The following PCSK7 variants were observed in gnomAD, a reference collection of about 807,000 sequenced individuals.
The protein encoded by PCSK7 is lymphoma proprotein convertase.
Under a neutral mutation model 73.3 loss-of-function variants are expected in PCSK7, and 38 were observed. The ratio of observed to expected loss-of-function variants is 0.52; its 90% CI spans 0.40 to 0.68. The LOEUF is 0.68. Among genes scored for constraint, PCSK7 ranks in the 30% least tolerant of loss-of-function variants. PCSK7 has a pLI of 0.00. For missense variants in PCSK7, 692 were observed against 991.5 expected (o/e 0.70, Z 4.06); for synonymous variants, 296 against 383.8 (o/e 0.77, Z 2.68).
chr11:117,219,290 A>G, intron 10 of PCSK7, 126 bp from the exon 11 acceptor site: 1 of 723,128 alleles, frequency 1.4e-6, no homozygotes. Context: ...GCTACTGGGA[A>G]TGGATTCCCC....
At chr11:117,225,028 T>G in intron 6 of PCSK7, 2 of 368,182 alleles carry the variant, frequency 5.4e-6, no homozygotes, top group East Asian at 4.3e-5. Context: ...ACTCATCTCC[T>G]GATCTAGGGA....
chr11:117,213,950 C>CTTTTTTTTTTTTTTTT (rs1450481233), intron 12 of PCSK7: 1 of 120,768 alleles, frequency 8.3e-6, no homozygotes, highest in African/African-American at 3.3e-5. Context: ...CTTTTCTTTT[C>CTTTTTTTTTTTTTTTT]TTTTTCTTTT....
chr11:117,216,259 T>C (rs2031978878), intron 12 of PCSK7: 1 of 152,184 alleles, frequency 6.6e-6, no homozygotes, highest in Admixed American at 6.5e-5. Context: ...TCTAGAGTCT[T>C]AGAGGTATTT....
chr11:117,209,663 T>A (rs659955), intron 12 of PCSK7: 21,339 of 153,558 alleles, frequency 0.14, 2,081 homozygotes, highest in East Asian at 0.49. Flanking sequence ...AAGCAAATTA[T>A]GTGAGTGAAA....
chr11:117,223,047 T>C, intron 9 of PCSK7, 161 bp downstream of exon 9: 1 of 618,866 alleles, frequency 1.6e-6, no homozygotes, highest in Non-Finnish European at 2.9e-6. Context: ...CCGAGTCTAC[T>C]ACTCCAAGGG....
At chr11:117,219,835 C>T (rs2032123993) in intron 9 of PCSK7, 77 bp from the exon 10 acceptor site, 1 of 1,163,938 alleles carries the variant, frequency 8.6e-7, no homozygotes, top group Non-Finnish European at 1.2e-6. Context: ...CCTATAGTCC[C>T]GGCTACCTGG....
At chr11:117,228,422 A>G (rs2032513660) in intron 3 of PCSK7, 72 bp from the exon 4 acceptor site, 1 of 1,438,482 alleles carries the variant, frequency 7.0e-7, no homozygotes, top group African/African-American at 1.4e-5. Flanking sequence ...TATAGCTAGC[A>G]GCCCCTTTTC....
chr11:117,205,657 A>C lies in PCSK7; in HGVS notation c.*340T>G, dbSNP rs1314119922. ...CCTGGCTATGGCAGGCACCTTCTCA[A>C]CTTATATGTGGGAAGGGGTCCCCCA... is the stretch of plus-strand genomic sequence containing the variant. On this transcript the variant is annotated 3_prime_UTR_variant, in exon 17 of 17. Coordinates refer to ENST00000320934, the MANE Select transcript of PCSK7 (RefSeq NM_004716.4). 1 of 270,104 alleles carries C rather than the reference A, an allele frequency of 3.7e-6. No individual in the cohort carries two copies. Among genetic ancestry groups the C allele is most frequent in the Admixed American group, 5.2e-5 (1 of 19,194 alleles). The allele number at this position is 270,104 out of a possible 1,614,324, so 16.7% of individuals were successfully genotyped here.
rs767112859 is a variant in PCSK7 at position 117,223,325 on chromosome 11, G to A, written c.1055-17C>T. 2.0e-6 allele frequency: 3 copies of A among 1,505,498 alleles called. No individual in the cohort carries two copies. The East Asian group carries it at 6.8e-5, about 34-fold the overall frequency. The allele number at this position is 1,505,498 out of a possible 1,614,324, so 93.3% of individuals were successfully genotyped here. A position where few individuals can be genotyped will look rare whatever the true frequency, so the allele number is the denominator to read the frequency against. ...CCACAGCTCCTAGGGACAGAGGAGG[G>A]AGATTAGAGCTGAGATGCAGAGGGG... On this transcript the variant is annotated splice_polypyrimidine_tract_variant and intron_variant, in intron 8 of 16. Transcript: ENST00000320934.
Position 117,218,981 on chromosome 11 carries a change from C to G in PCSK7, c.1431+76G>C. On this transcript the variant is annotated intron_variant, in intron 11 of 16. Transcript: ENST00000320934. The surrounding 1 kb of genome is among the most constrained non-coding windows in gnomAD (Gnocchi z 4.0). ...CATTTACTAGGCACCTATGATATCC[C>G]AGGCAGTTTGGGGCATTCAGCTCCG... The G allele has an allele frequency of 4.6e-6, 4 of 877,504 alleles. No homozygotes were observed. The highest frequency in any genetic ancestry group is 7.1e-6 in the Non-Finnish European group (4 of 559,470). The allele number at this position is 877,504 out of a possible 1,614,324, so 54.4% of individuals were successfully genotyped here.
chr11:117,226,192 A>G, intron 5 of PCSK7, 171 bp from the exon 6 acceptor site: 1 of 601,444 alleles, frequency 1.7e-6, no homozygotes, highest in Admixed American at 2.8e-5. Flanking sequence ...ACTGGAGTGC[A>G]GTGGCATGAT....
rs2031278058 is a variant in PCSK7 at position 117,204,856 on chromosome 11, G to C, written c.*1141C>G. ...TGTTATGGTTTCAGATCTGCGCAGG[G>C]GACAGGCAGGCATCTCGGGCTTGTA... On this transcript the variant is annotated 3_prime_UTR_variant, in exon 17 of 17. Coordinates refer to ENST00000320934, the MANE Select transcript of PCSK7 (RefSeq NM_004716.4). 2 of 247,986 alleles carry C rather than the reference G, an allele frequency of 8.1e-6. No individual in the cohort carries two copies. The highest frequency in any genetic ancestry group is 1.6e-5 in the Non-Finnish European group (2 of 123,730). The allele number at this position is 247,986 out of a possible 1,614,324, so 15.4% of individuals were successfully genotyped here.
At chr11:117,225,037 G>A (rs1257542003) in intron 6 of PCSK7, 3 of 336,992 alleles carry the variant, frequency 8.9e-6, no homozygotes, top group South Asian at 6.6e-5. Flanking sequence ...CTGATCTAGG[G>A]ATCAGAGACA....
chr11:117,215,041 C>T (rs1591793992), intron 12 of PCSK7: 1 of 152,190 alleles, frequency 6.6e-6, no homozygotes, highest in South Asian at 2.1e-4. Flanking sequence ...AGGCCCCAAT[C>T]CCCTCTCCCT....
Position 117,229,479 on chromosome 11 carries a change from A to G in PCSK7, c.366T>C (p.Ala122=), listed in dbSNP as rs756440752. Reference sequence around the variant, plus strand: ...AGTGCCAGCGCACAGCTTCATGCCCAGCCAACACAGCCTCCACCTGCTGCC... The same window carrying G: ...AGTGCCAGCGCACAGCTTCATGCCCGGCCAACACAGCCTCCACCTGCTGCC... ...AIRQQVEAVL[A]GHEAVRWHSE... is the part of the protein sequence containing the mutation. Residue 122 remains alanine, a synonymous_variant, in exon 3 of 17, where the codon GCT becomes GCC. Coordinates refer to ENST00000320934, the MANE Select transcript of PCSK7 (RefSeq NM_004716.4). 4 of 1,611,954 alleles carry G rather than the reference A, an allele frequency of 2.5e-6. No homozygotes were observed. The South Asian group carries it at 4.4e-5, about 18-fold the overall frequency.
Position 117,224,150 on chromosome 11 carries a change from C to T in PCSK7, c.982G>A (p.Gly328Ser). 1.2e-6 allele frequency: 2 copies of T among 1,614,188 alleles called. No individual in the cohort carries two copies. Among genetic ancestry groups the T allele is most frequent in the Non-Finnish European group, 1.7e-6 (2 of 1,180,034 alleles). ...TTGTCGTTGTGTTGGCCTCCGTTGC[C>T]ACTGGCTACCACAAAGATGCTCCCA... Reference protein sequence around the residue: ...GFGSIFVVASGNGGQHNDNCN... With the variant: ...GFGSIFVVASSNGGQHNDNCN... Residue 328 changes from glycine to serine, a missense_variant, in exon 8 of 17, where the codon GGC becomes AGC. Transcript: ENST00000320934.
rs1307828635 is a variant in PCSK7 at position 117,205,252 on chromosome 11, G to A, written c.*745C>T. ...CCTGTCAGGCAGATAGCTGGCCTCC[G>A]GCGGGAAGGCCATTTCCCTGAGCAC... On this transcript the variant is annotated 3_prime_UTR_variant, in exon 17 of 17. Coordinates refer to ENST00000320934, the MANE Select transcript of PCSK7 (RefSeq NM_004716.4). 2.1e-5 allele frequency: 5 copies of A among 233,582 alleles called. No homozygotes were observed. Among genetic ancestry groups the A allele is most frequent in the East Asian group, 1.2e-4 (2 of 16,588 alleles). The allele number at this position is 233,582 out of a possible 1,614,324, so 14.5% of individuals were successfully genotyped here.
chr11:117,229,365 G>T lies in PCSK7; in HGVS notation c.468+12C>A, dbSNP rs1005303498. ...ACCCACCTGAAACTGCAAACTGCAGGACTGGACTCACCAGGTGCCATTGCT... is the reference window on the plus strand; with the variant it reads ...ACCCACCTGAAACTGCAAACTGCAGTACTGGACTCACCAGGTGCCATTGCT... On this transcript the variant is annotated intron_variant, in intron 3 of 16. Coordinates refer to ENST00000320934, the MANE Select transcript of PCSK7 (RefSeq NM_004716.4). 2 of 1,594,644 alleles carry T rather than the reference G, an allele frequency of 1.3e-6. No individual in the cohort carries two copies. Among genetic ancestry groups the T allele is most frequent in the Admixed American group, 1.7e-5 (1 of 59,864 alleles).
At position 117,229,404 on chromosome 11, in the gene PCSK7, G is replaced by T; in HGVS notation, c.441C>A (p.Asp147Glu). The T allele has an allele frequency of 6.2e-7, 1 of 1,607,918 alleles. No individual in the cohort carries two copies. The stretch of plus-strand genomic sequence containing the variant: ...GGTGCCATTGCTGCGGGTACTTGGG[G>T]TCGTTGAAGTGGACGCTGCGCTTGG... The part of the protein sequence containing the change: ...RRAKRSVHFN[D>E]PKYPQQWHLN... The change falls in exon 3 of 17, where the codon GAC (aspartate) becomes GAA (glutamate). Residue 147 changes from aspartate to glutamate, a missense_variant. This residue lies in a region of PCSK7 where 574 missense variants were observed against 689.8 expected (regional missense o/e 0.83). Coordinates refer to ENST00000320934, the MANE Select transcript of PCSK7 (RefSeq NM_004716.4).
Sources: allele counts gnomAD v4.1 joint callset, GRCh38; gene constraint gnomAD v4.1.1; regional missense constraint gnomAD v4.1.1; non-coding constraint Gnocchi (gnomAD v3.1); transcripts MANE v1.5; gene names NCBI Gene and HGNC (gene_info 2026-07-23, HGNC 2026-07-21).